EPM2A: variants seen among roughly 807,000 people sequenced by gnomAD.
The protein encoded by EPM2A is laforin.
In EPM2A, 21 loss-of-function variants were observed where a neutral mutation model predicts 26.5. The observed-to-expected ratio is 0.79, with a 90% CI of 0.56 to 1.14. EPM2A has a LOEUF of 1.14. EPM2A is among the 50% of genes most tolerant of loss of function. The pLI, the probability that EPM2A is intolerant of heterozygous loss-of-function variation, is 0.00. For synonymous variants in EPM2A, 217 were observed against 177.6 expected (o/e 1.22, Z -1.76); for missense variants, 458 against 440.8 (o/e 1.04, Z -0.35).
chr6:145,385,314 ACATATTTGGTTTGGAATTTT>A (rs1778243925), intron 4 of EPM2A, among the ~76,000 whole-genome samples: 1 of 150,482 alleles, frequency 6.6e-6, no homozygotes, highest in Non-Finnish European at 1.5e-5. Context: ...AACTAAAGCC[ACATATTTGGTTTGGAATTTT>A]GTAATTTAGT....
chr6:145,654,640 G>A (rs918720283), intron 2 of EPM2A, among the ~76,000 whole-genome samples: 4 of 151,984 alleles, frequency 2.6e-5, no homozygotes, highest in African/African-American at 4.8e-5. Flanking sequence ...CTTTATTTCC[G>A]CAGAAACGGT....
At chr6:145,728,075 CAT>C (rs1208112667) in intron 1 of EPM2A, among the ~76,000 whole-genome samples, 1 of 152,152 alleles carries the variant, frequency 6.6e-6, no homozygotes, top group Non-Finnish European at 1.5e-5. Context: ...TGCCTTCTGC[CAT>C]GTTTGTAAGT....
chr6:145,397,824 G>A (rs1424670225), intron 4 of EPM2A, among the ~76,000 whole-genome samples: 1 of 152,140 alleles, frequency 6.6e-6, no homozygotes, highest in Non-Finnish European at 1.5e-5. Flanking sequence ...GCTGAGTCAT[G>A]GACATTAATG....
At chr6:145,640,698 G>GA (rs1220883496) in intron 2 of EPM2A, 2 of 152,008 alleles carry the variant, frequency 1.3e-5, no homozygotes, top group African/African-American at 4.8e-5. Context: ...TGAGTAAAGG[G>GA]AAAAAAAGTC....
chr6:145,673,482 T>A (rs564852639), intron 2 of EPM2A, among the ~76,000 whole-genome samples: 1 of 152,142 alleles, frequency 6.6e-6, no homozygotes, highest in East Asian at 1.9e-4. Flanking sequence ...ATTGCCTCAC[T>A]CAGGAAGTGC....
At chr6:145,405,831 A>T (rs760378873) in intron 4 of EPM2A, among the ~76,000 whole-genome samples, 18 of 152,116 alleles carry the variant, frequency 1.2e-4, no homozygotes, top group Non-Finnish European at 2.2e-4. Flanking sequence ...TAAATATCTT[A>T]TTTTATTATA....
At chr6:145,690,154 G>C (rs1781181733) in intron 1 of EPM2A, among the ~76,000 whole-genome samples, 1 of 152,252 alleles carries the variant, frequency 6.6e-6, no homozygotes, top group South Asian at 2.1e-4. Context: ...AATAAGGTGG[G>C]ACCTCCATTC....
chr6:145,710,352 C>CA (rs1314159092), intron 1 of EPM2A, among the ~76,000 whole-genome samples: 1 of 152,108 alleles, frequency 6.6e-6, no homozygotes, highest in Non-Finnish European at 1.5e-5. Flanking sequence ...TTTATGCAGC[C>CA]AAAAAACACA....
At chr6:145,397,783 C>T (rs538332844) in intron 4 of EPM2A, among the ~76,000 whole-genome samples, 1 of 152,276 alleles carries the variant, frequency 6.6e-6, no homozygotes, top group South Asian at 2.1e-4. Context: ...ATTAGGTACA[C>T]ATATCTCATC....
At chr6:145,476,478 TCTGAGAG>T (rs1296997436) in intron 4 of EPM2A, among the ~76,000 whole-genome samples, 1 of 152,080 alleles carries the variant, frequency 6.6e-6, no homozygotes, top group African/African-American at 2.4e-5. Context: ...GAACATTTCA[TCTGAGAG>T]CTTAAGAATA....
At chr6:145,663,627 A>T (rs1752337680) in intron 2 of EPM2A, among the ~76,000 whole-genome samples, 1 of 151,214 alleles carries the variant, frequency 6.6e-6, no homozygotes, top group Non-Finnish European at 1.5e-5. Flanking sequence ...CAATCTAGCA[A>T]GGTAGGCCAA....
At chr6:145,519,919 T>A (rs1780180866) in intron 2 of EPM2A, among the ~76,000 whole-genome samples, 1 of 152,168 alleles carries the variant, frequency 6.6e-6, no homozygotes, top group Admixed American at 6.5e-5. Flanking sequence ...CAGAGGAGGA[T>A]CACAAAACTA....
intron 2 of EPM2A, among the ~76,000 whole-genome samples, chr6:145,592,481 G>C (rs1163275702): frequency 6.6e-6 from 1 of 152,122 alleles, no homozygotes; most frequent in Non-Finnish European, 1.5e-5. Context: ...ACTTGTGCAT[G>C]TGTCTTTATA....
chr6:145,688,930 G>A (rs1261525696), intron 1 of EPM2A, among the ~76,000 whole-genome samples: 1 of 152,190 alleles, frequency 6.6e-6, no homozygotes, highest in East Asian at 1.9e-4. Flanking sequence ...GATTGGATTA[G>A]TTACAAGGAG....
chr6:145,653,204 G>A (rs1008375185), intron 2 of EPM2A, among the ~76,000 whole-genome samples: 2 of 152,174 alleles, frequency 1.3e-5, no homozygotes, highest in Non-Finnish European at 2.9e-5. Context: ...TAATCCCCAC[G>A]TATTGATGGA....
intron 4 of EPM2A, among the ~76,000 whole-genome samples, chr6:145,385,556 T>A (rs1350326102): frequency 6.6e-6 from 1 of 152,170 alleles, no homozygotes; most frequent in Non-Finnish European, 1.5e-5. Flanking sequence ...ACATAGCAAA[T>A]ACTGCCAAAG....
chr6:145,555,710 C>A (rs1206933860), intron 2 of EPM2A, among the ~76,000 whole-genome samples: 1 of 152,054 alleles, frequency 6.6e-6, no homozygotes, highest in African/African-American at 2.4e-5. Context: ...TCTATTTAGA[C>A]AATATATATT....
At chr6:145,604,083 T>G (rs1037629118) in intron 2 of EPM2A, among the ~76,000 whole-genome samples, 1 of 152,144 alleles carries the variant, frequency 6.6e-6, no homozygotes, top group Non-Finnish European at 1.5e-5. Flanking sequence ...GATGAAAATG[T>G]GTTTATTATT....
chr6:145,500,932 G>GT (rs1289453678), downstream of EPM2A, among the ~76,000 whole-genome samples: 1 of 151,980 alleles, frequency 6.6e-6, no homozygotes, highest in Non-Finnish European at 1.5e-5. Flanking sequence ...CTATTTATTG[G>GT]TAAGAGTATA....
Sources: allele counts gnomAD v4.1 joint callset (sites outside exome capture counted in the v4.1 genomes callset), GRCh38; gene constraint gnomAD v4.1.1; transcripts MANE v1.5; gene names NCBI Gene and HGNC (gene_info 2026-07-23, HGNC 2026-07-21).